CUL2: variants seen among roughly 807,000 people sequenced by gnomAD.
CUL2 encodes cullin 2, also known as cullin-2.
In CUL2, 22 loss-of-function variants were observed where a neutral mutation model predicts 110.2. The ratio of observed to expected loss-of-function variants is 0.20; its 90% CI spans 0.14 to 0.28. The LOEUF (loss-of-function observed/expected upper bound fraction) is 0.28. Among genes scored for constraint, CUL2 ranks in the 10% least tolerant of loss-of-function variants. The pLI, the probability that CUL2 is intolerant of heterozygous loss-of-function variation, is 1.00. For missense variants in CUL2, 631 were observed against 905.5 expected, an observed-to-expected ratio of 0.70 and a Z score of 3.89; for synonymous variants, 279 against 293.2, an observed-to-expected ratio of 0.95 and a Z score of 0.49.
intron 14 of CUL2, among the ~76,000 whole-genome samples, chr10:35,030,012 T>C (rs1454262678): frequency 1.3e-5 from 2 of 152,224 alleles, no homozygotes; most frequent in African/African-American, 4.8e-5. Flanking sequence ...GGGGTCTCAC[T>C]GTTGCCCATG....
At chr10:35,123,929 A>G (rs1418925294) in intron 1 of CUL2, among the ~76,000 whole-genome samples, 1 of 152,254 alleles carries the variant, frequency 6.6e-6, no homozygotes, top group Non-Finnish European at 1.5e-5. Context: ...ACAGTATAGA[A>G]GATGATGTCC....
At chr10:35,050,293 C>T (rs1031242663) in intron 5 of CUL2, among the ~76,000 whole-genome samples, 2 of 151,238 alleles carry the variant, frequency 1.3e-5, no homozygotes, top group East Asian at 1.9e-4. Flanking sequence ...TGCACTCCAG[C>T]CTGGTGACAA....
At chr10:35,107,879 C>A (rs2135122867) in intron 1 of CUL2, among the ~76,000 whole-genome samples, 1 of 46,016 alleles carries the variant, frequency 2.2e-5, no homozygotes, top group Admixed American at 4.1e-4. Context: ...GAGACTCCAT[C>A]TCAAAAAAAA....
chr10:35,018,589 C>A (rs142186259), intron 17 of CUL2, among the ~76,000 whole-genome samples: 21,563 of 151,626 alleles, frequency 0.14, 1,848 homozygotes, highest in East Asian at 0.24. Flanking sequence ...CATGGAGAAA[C>A]CCCGTCTCTA....
chr10:35,038,781 A>G (rs757482120), intron 9 of CUL2, 139 bp downstream of exon 9: 209 of 489,858 alleles, frequency 4.3e-4, no homozygotes, highest in Non-Finnish European at 3.4e-4. Flanking sequence ...TTCAAAATAA[A>G]GTATTAATAA....
intron 2 of CUL2, among the ~76,000 whole-genome samples, chr10:35,064,779 G>A (rs189596849): frequency 2.4e-4 from 36 of 152,180 alleles, no homozygotes; most frequent in African/African-American, 8.7e-4. Flanking sequence ...TTGGGCTCAG[G>A]CAATCCTTCT....
intron 17 of CUL2, among the ~76,000 whole-genome samples, chr10:35,022,274 A>G (rs1043051339): frequency 1.6e-4 from 24 of 152,226 alleles, no homozygotes; most frequent in African/African-American, 4.8e-5. Flanking sequence ...ACAGCTAATA[A>G]GTTGTGAGCT....
At chr10:35,074,983 C>T (rs771506591) in intron 1 of CUL2, among the ~76,000 whole-genome samples, 30 of 152,310 alleles carry the variant, frequency 2.0e-4, no homozygotes, top group Middle Eastern at 6.8e-3. Flanking sequence ...CCCTCACATT[C>T]GCTTTCTCCT....
chr10:35,054,201 C>G (rs1771777489), intron 5 of CUL2, among the ~76,000 whole-genome samples: 1 of 152,150 alleles, frequency 6.6e-6, no homozygotes, highest in African/African-American at 2.4e-5. Flanking sequence ...AATGCAGAAC[C>G]ATTAACTCTA....
chr10:35,112,097 G>A (rs942674757), intron 1 of CUL2, among the ~76,000 whole-genome samples: 1 of 152,128 alleles, frequency 6.6e-6, no homozygotes, highest in Non-Finnish European at 1.5e-5. Context: ...ACTTTTACCA[G>A]GACTCTTAGA....
chr10:35,021,442 T>TAC lies in CUL2; in HGVS notation c.1684+3688_1684+3689dup, dbSNP rs113171877. 6.6e-3 allele frequency among the ~76,000 whole-genome samples: 981 copies of TAC among 149,736 alleles called. 12 individuals carry two copies. Among genetic ancestry groups the TAC allele is most frequent in the African/African-American group, 0.022 (877 of 40,224 alleles). On this transcript the variant is annotated intron_variant, in intron 17 of 20. Coordinates refer to ENST00000374749, the MANE Select transcript of CUL2 (RefSeq NM_003591.4). ...TTTTTTATATATGTATGTATATATA[T>TAC]ACACACACACACATACATACACACA...
intron 17 of CUL2, among the ~76,000 whole-genome samples, chr10:35,021,414 CA>C (rs1466601673): frequency 8.6e-5 from 13 of 151,644 alleles, no homozygotes; most frequent in Non-Finnish European, 1.6e-4. Context: ...TATAAACATA[CA>C]TTTTTTTATA....
chr10:35,118,450 A>C (rs1048963426), intron 1 of CUL2: 1 of 152,186 alleles, frequency 6.6e-6, no homozygotes, highest in African/African-American at 2.4e-5. Flanking sequence ...CTGTCCAGCT[A>C]TATTCAACCC....
chr10:35,080,573 T>C (rs749894093), intron 1 of CUL2, among the ~76,000 whole-genome samples: 53 of 151,956 alleles, frequency 3.5e-4, no homozygotes, highest in Non-Finnish European at 8.8e-5. Context: ...TCCTCCCGCC[T>C]CAGCCTCCTG....
intron 4 of CUL2, among the ~76,000 whole-genome samples, chr10:35,059,092 C>G (rs1029375213): frequency 3.3e-5 from 5 of 152,164 alleles, no homozygotes; most frequent in African/African-American, 1.2e-4. Flanking sequence ...AAAGTGGTTT[C>G]TTGAGACAGA....
At chr10:35,075,238 A>C (rs1310314435) in intron 1 of CUL2, among the ~76,000 whole-genome samples, 1 of 152,238 alleles carries the variant, frequency 6.6e-6, no homozygotes, top group Non-Finnish European at 1.5e-5. Flanking sequence ...GCAGGAAGGT[A>C]TGCTGAGACA....
At chr10:35,078,861 G>A (rs570560336) in intron 1 of CUL2, among the ~76,000 whole-genome samples, 1 of 152,156 alleles carries the variant, frequency 6.6e-6, no homozygotes, top group Non-Finnish European at 1.5e-5. Context: ...ATAAAAATTT[G>A]GCATCCAAAA....
chr10:35,091,459 C>G (rs2087201840), upstream of CUL2, among the ~76,000 whole-genome samples: 1 of 152,100 alleles, frequency 6.6e-6, no homozygotes, highest in African/African-American at 2.4e-5. Flanking sequence ...AAATTCAATC[C>G]AACAGTATGT....
At chr10:35,093,617 C>T (rs1275933211), upstream of CUL2, among the ~76,000 whole-genome samples, 2 of 142,770 alleles carry the variant, frequency 1.4e-5, no homozygotes, top group Non-Finnish European at 3.0e-5. Flanking sequence ...CAAGATCACG[C>T]CATACTGCAC....
Sources: allele counts gnomAD v4.1 joint callset (sites outside exome capture counted in the v4.1 genomes callset), GRCh38; gene constraint gnomAD v4.1.1; transcripts MANE v1.5; gene names NCBI Gene and HGNC (gene_info 2026-07-23, HGNC 2026-07-21).